The following TMPRSS15 variants were observed in gnomAD, a reference collection of about 807,000 sequenced individuals.
TMPRSS15 encodes transmembrane serine protease 15.
In TMPRSS15, 128 loss-of-function variants were observed where a neutral mutation model predicts 125.3. The observed-to-expected ratio is 1.02, with a 90% CI of 0.89 to 1.18. The LOEUF (loss-of-function observed/expected upper bound fraction) is 1.18. TMPRSS15 is among the 50% of genes most tolerant of loss of function. The pLI, the probability that TMPRSS15 is intolerant of heterozygous loss-of-function variation, is 0.00. For missense variants in TMPRSS15, 1,283 were observed against 1,212.7 expected, an observed-to-expected ratio of 1.06 and a Z score of -0.86; for synonymous variants, 446 against 423.2, an observed-to-expected ratio of 1.05 and a Z score of -0.66.
chr21:18,414,483 C>A (rs2123178237), intron 1 of TMPRSS15, among the ~76,000 whole-genome samples: 1 of 152,328 alleles, frequency 6.6e-6, no homozygotes, highest in Admixed American at 6.5e-5. Flanking sequence ...TGCATAATTA[C>A]AATTTTATAC....
intron 3 of TMPRSS15, among the ~76,000 whole-genome samples, chr21:18,384,870 C>A (rs1162869656): frequency 1.3e-5 from 2 of 152,108 alleles, no homozygotes; most frequent in Non-Finnish European, 2.9e-5. Context: ...TTATTTATCT[C>A]TCCATCTATC....
chr21:18,432,898 AT>A (rs200684412), intron 1 of TMPRSS15, among the ~76,000 whole-genome samples: 1 of 151,898 alleles, frequency 6.6e-6, no homozygotes, highest in Non-Finnish European at 1.5e-5. Context: ...TCATGATGTG[AT>A]TTTTTTTCTT....
chr21:18,391,086 C>T (rs184550821), intron 3 of TMPRSS15, among the ~76,000 whole-genome samples: 1 of 152,170 alleles, frequency 6.6e-6, no homozygotes, highest in Non-Finnish European at 1.5e-5. Context: ...CCTCTCTCAA[C>T]ATGTAGGGAT....
chr21:18,352,963 C>G lies in TMPRSS15; in HGVS notation c.1111G>C (p.Gly371Arg). 1 of 1,612,178 alleles carries G rather than the reference C, an allele frequency of 6.2e-7. No homozygotes were observed. Among genetic ancestry groups the G allele is most frequent in the Non-Finnish European group, 8.5e-7 (1 of 1,178,902 alleles). ...CCAGTAAAAGGAGAAAAGGTGCTTCCCTGAATCCTTTCCCATTCATTATCA... is the reference window on the plus strand; with the variant it reads ...CCAGTAAAAGGAGAAAAGGTGCTTCGCTGAATCCTTTCCCATTCATTATCA... ...NDDNEWERIQ[G>R]STFSPFTGPN... Residue 371 changes from glycine to arginine, a missense_variant, in exon 10 of 25, where the codon GGA becomes CGA. By Grantham distance (125) the Gly-to-Arg change is moderately radical. Coordinates refer to ENST00000284885, the MANE Select transcript of TMPRSS15 (RefSeq NM_002772.3).
chr21:18,393,571 A>G (rs2824798), intron 3 of TMPRSS15, among the ~76,000 whole-genome samples: 41,120 of 152,016 alleles, frequency 0.27, 5,802 homozygotes, highest in East Asian at 0.48. Flanking sequence ...TAGACTACAC[A>G]AGAAAAGAAA....
At chr21:18,380,563 G>A (rs2075883876) in intron 4 of TMPRSS15, 2 of 470,646 alleles carry the variant, frequency 4.2e-6, no homozygotes, top group African/African-American at 2.0e-5. Context: ...AGGGCTTACT[G>A]TAGAAAAATT....
At chr21:18,292,787 C>T (rs55901415) in intron 21 of TMPRSS15, among the ~76,000 whole-genome samples, 5 of 152,222 alleles carry the variant, frequency 3.3e-5, no homozygotes, top group South Asian at 4.1e-4. Context: ...ACATGTCCAA[C>T]GCAAACAACA....
At chr21:18,415,515 G>A (rs963778441) in intron 1 of TMPRSS15, among the ~76,000 whole-genome samples, 2 of 151,962 alleles carry the variant, frequency 1.3e-5, no homozygotes, top group African/African-American at 4.8e-5. Context: ...GTCCATTTTT[G>A]TTTGATTTTT....
At chr21:18,342,371 A>C (rs1490727366) in intron 12 of TMPRSS15, among the ~76,000 whole-genome samples, 1 of 152,198 alleles carries the variant, frequency 6.6e-6, no homozygotes, top group African/African-American at 2.4e-5. Context: ...ACATTATTCC[A>C]GTAGGTATTA....
At chr21:18,315,015 A>G in intron 17 of TMPRSS15, 131 bp downstream of exon 17, 1 of 748,814 alleles carries the variant, frequency 1.3e-6, no homozygotes. Flanking sequence ...ATCATCTCAG[A>G]GATGAGATGT....
intron 10 of TMPRSS15, among the ~76,000 whole-genome samples, chr21:18,344,415 A>C (rs2075483737): frequency 6.6e-6 from 1 of 152,194 alleles, no homozygotes; most frequent in Non-Finnish European, 1.5e-5. Flanking sequence ...TCACATGAGG[A>C]TATCTAGAGA....
chr21:18,329,612 T>C (rs2075325328), intron 14 of TMPRSS15, among the ~76,000 whole-genome samples: 1 of 151,548 alleles, frequency 6.6e-6, no homozygotes, highest in Non-Finnish European at 1.5e-5. Context: ...CATTTATGAA[T>C]ATCAAAGGAT....
intron 1 of TMPRSS15, among the ~76,000 whole-genome samples, chr21:18,470,867 T>C (rs530288923): frequency 5.3e-5 from 8 of 152,206 alleles, no homozygotes; most frequent in African/African-American, 1.9e-4. Flanking sequence ...TCCATGGAGA[T>C]ATTTTCCTCT....
At chr21:18,338,396 C>T (rs1034218445) in intron 13 of TMPRSS15, among the ~76,000 whole-genome samples, 1 of 151,978 alleles carries the variant, frequency 6.6e-6, no homozygotes, top group Admixed American at 6.6e-5. Flanking sequence ...CAAAATGTTG[C>T]TGATATTTGG....
At chr21:18,403,171 G>A (rs2123146661) in intron 1 of TMPRSS15, among the ~76,000 whole-genome samples, 1 of 152,204 alleles carries the variant, frequency 6.6e-6, no homozygotes, top group African/African-American at 2.4e-5. Context: ...TTGATTATAT[G>A]TTGAAACCAA....
At chr21:18,278,934 T>TG (rs2074654771) in intron 23 of TMPRSS15, 30 bp downstream of exon 23, 1 of 907,394 alleles carries the variant, frequency 1.1e-6, no homozygotes, top group South Asian at 1.6e-5. Context: ...GTTTTTTTTT[T>TG]TTTTTTTTTT....
At chr21:18,434,885 G>A (rs980720216) in intron 1 of TMPRSS15, among the ~76,000 whole-genome samples, 1 of 151,860 alleles carries the variant, frequency 6.6e-6, no homozygotes, top group Non-Finnish European at 1.5e-5. Flanking sequence ...AATTTGATTG[G>A]ACAAATTGAG....
intron 10 of TMPRSS15, among the ~76,000 whole-genome samples, chr21:18,348,709 T>C (rs996996319): frequency 2.6e-5 from 4 of 152,314 alleles, no homozygotes; most frequent in Non-Finnish European, 5.9e-5. Context: ...TGAAGATATC[T>C]GAAAGAACTA....
At chr21:18,388,101 G>A (rs1300736327) in intron 3 of TMPRSS15, among the ~76,000 whole-genome samples, 1 of 152,088 alleles carries the variant, frequency 6.6e-6, no homozygotes, top group Admixed American at 6.5e-5. Context: ...GAGCAACAAT[G>A]TGATTTATCT....
Sources: allele counts gnomAD v4.1 joint callset (sites outside exome capture counted in the v4.1 genomes callset), GRCh38; gene constraint gnomAD v4.1.1; transcripts MANE v1.5; gene names NCBI Gene and HGNC (gene_info 2026-07-23, HGNC 2026-07-21).